The following GAP43 variants were observed in gnomAD, a reference collection of about 807,000 sequenced individuals.
GAP43 encodes the protein neuromodulin.
A neutral mutation model predicts 18.6 loss-of-function variants in GAP43; 6 were observed. The observed-to-expected ratio is 0.32, with a 90% CI of 0.18 to 0.64. The LOEUF (loss-of-function observed/expected upper bound fraction) is 0.64. GAP43 is among the 30% of genes least tolerant of loss of function. The pLI is 0.78. For missense variants in GAP43, 292 were observed against 295.5 expected (o/e 0.99, Z 0.09); for synonymous variants, 115 against 111.4 (o/e 1.03, Z -0.20).
At chr3:115,713,388 C>T (rs924249926) in intron 2 of GAP43, among the ~76,000 whole-genome samples, 13 of 152,050 alleles carry the variant, frequency 8.5e-5, no homozygotes, top group South Asian at 6.2e-4. Context: ...ATGTTTTACT[C>T]GGAAATCCAC....
chr3:115,655,767 C>T (rs1300658705), intron 1 of GAP43, among the ~76,000 whole-genome samples: 1 of 152,148 alleles, frequency 6.6e-6, no homozygotes, highest in Non-Finnish European at 1.5e-5. Context: ...TTATGCAAAA[C>T]TGGGGCATTT....
At chr3:115,675,034 A>G (rs939836731) in intron 1 of GAP43, among the ~76,000 whole-genome samples, 8 of 152,276 alleles carry the variant, frequency 5.3e-5, no homozygotes, top group Admixed American at 5.2e-4. Flanking sequence ...TTTAATAAAA[A>G]CCTGGGGTGA....
intron 2 of GAP43, among the ~76,000 whole-genome samples, chr3:115,720,593 G>A (rs924739108): frequency 2.6e-5 from 4 of 152,112 alleles, no homozygotes; most frequent in Admixed American, 6.5e-5. Flanking sequence ...TCTTCCATAG[G>A]TGCCACTGAA....
At chr3:115,714,176 A>C (rs907959389) in intron 2 of GAP43, among the ~76,000 whole-genome samples, 1 of 152,234 alleles carries the variant, frequency 6.6e-6, no homozygotes, top group African/African-American at 2.4e-5. Flanking sequence ...TCACTGGATG[A>C]ATAAATGAAT....
chr3:115,668,605 G>A (rs1708763861), intron 1 of GAP43, among the ~76,000 whole-genome samples: 2 of 152,074 alleles, frequency 1.3e-5, no homozygotes, highest in African/African-American at 4.8e-5. Flanking sequence ...TGTATTTTTA[G>A]TAGAGACAGA....
At chr3:115,694,712 A>AT (rs1165610999) in intron 2 of GAP43, among the ~76,000 whole-genome samples, 1 of 152,162 alleles carries the variant, frequency 6.6e-6, no homozygotes, top group Admixed American at 6.6e-5. Flanking sequence ...TTCCATAATT[A>AT]TTTTTTATTT....
intron 2 of GAP43, among the ~76,000 whole-genome samples, chr3:115,697,984 C>CGCGT (rs386356246): frequency 0.069 from 7,616 of 110,782 alleles, 303 homozygotes; most frequent in Middle Eastern, 0.1. Flanking sequence ...AGTACATGTG[C>CGCGT]GTGTGTGTGT....
chr3:115,657,509 T>C (rs1327481028), intron 1 of GAP43, among the ~76,000 whole-genome samples: 1 of 152,216 alleles, frequency 6.6e-6, no homozygotes, highest in African/African-American at 2.4e-5. Flanking sequence ...CCACGGACTA[T>C]GCTAGGAGCT....
At chr3:115,658,544 G>C (rs1036989325) in intron 1 of GAP43, 1 of 152,046 alleles carries the variant, frequency 6.6e-6, no homozygotes, top group Non-Finnish European at 1.5e-5. Context: ...GCGCGGGCTC[G>C]CGGCCGTGCT....
chr3:115,626,198 C>T (rs1344453257), intron 1 of GAP43, among the ~76,000 whole-genome samples: 2 of 152,182 alleles, frequency 1.3e-5, no homozygotes, highest in Admixed American at 6.5e-5. Flanking sequence ...GCCCATCCTT[C>T]TGCTGGCATC....
At chr3:115,682,738 T>C (rs1435732884) in intron 2 of GAP43, among the ~76,000 whole-genome samples, 1 of 152,174 alleles carries the variant, frequency 6.6e-6, no homozygotes, top group Non-Finnish European at 1.5e-5. Context: ...GATTTTACCA[T>C]GTTGGTCAGG....
intron 1 of GAP43, among the ~76,000 whole-genome samples, chr3:115,665,065 C>T (rs910017731): frequency 6.6e-6 from 1 of 151,952 alleles, no homozygotes; most frequent in Admixed American, 6.5e-5. Flanking sequence ...AAGGTGTGTA[C>T]AAATTACTGC....
At chr3:115,637,118 C>G (rs1167230776) in intron 1 of GAP43, among the ~76,000 whole-genome samples, 1 of 152,050 alleles carries the variant, frequency 6.6e-6, no homozygotes, top group Non-Finnish European at 1.5e-5. Flanking sequence ...CTGACTAACA[C>G]AGTTCTCCAT....
chr3:115,713,748 T>C (rs1709468466), intron 2 of GAP43, among the ~76,000 whole-genome samples: 1 of 152,246 alleles, frequency 6.6e-6, no homozygotes, highest in African/African-American at 2.4e-5. Context: ...ATCCCCTGAA[T>C]CCTTTAAGGC....
intron 2 of GAP43, among the ~76,000 whole-genome samples, chr3:115,689,037 C>G (rs1002076128): frequency 3.9e-5 from 6 of 152,194 alleles, no homozygotes; most frequent in Non-Finnish European, 1.5e-5. Flanking sequence ...ACAGCTTGCT[C>G]CTGTCCCAGG....
intron 1 of GAP43, among the ~76,000 whole-genome samples, chr3:115,657,442 T>G (rs1002396023): frequency 2.6e-5 from 4 of 152,166 alleles, no homozygotes; most frequent in Non-Finnish European, 5.9e-5. Context: ...AAGACTATCT[T>G]TCACTTGTTA....
At position 115,663,971 on chromosome 3, in the gene GAP43, C is replaced by T. The variant is rs192458019; in HGVS notation, c.31-12042C>T. On this transcript the variant is annotated intron_variant, in intron 1 of 2. Transcript: ENST00000305124. The stretch of plus-strand genomic sequence containing the variant: ...AGTATTTTAGGTTAAAACCCTGACT[C>T]TGCCACTTACTAGCTGTATGACTTT... The T allele has an allele frequency of 1.7e-3, 2,532 of 1,498,018 alleles. 2 individuals carry two copies. The highest frequency in any genetic ancestry group is 2.4e-3 in the Admixed American group (119 of 50,022). 92.8% of individuals were successfully genotyped at this position (1,498,018 alleles called of 1,614,324 possible).
At chr3:115,710,256 CT>C (rs11361613) in intron 2 of GAP43, among the ~76,000 whole-genome samples, 66,694 of 148,262 alleles carry the variant, frequency 0.45, 15,247 homozygotes, top group African/African-American at 0.56. Flanking sequence ...TTCACCTACT[CT>C]TTTTTTTTTT....
chr3:115,714,410 G>T (rs1481667730), intron 2 of GAP43, among the ~76,000 whole-genome samples: 1 of 149,722 alleles, frequency 6.7e-6, no homozygotes, highest in African/African-American at 2.6e-5. Flanking sequence ...GGCATGGGCA[G>T]GTTACAGCTT....
Sources: gnomAD v4.1 joint callset for allele counts (sites outside exome capture counted in the v4.1 genomes callset) on GRCh38, gnomAD v4.1.1 for gene constraint, MANE v1.5 for transcripts, NCBI Gene and HGNC (gene_info 2026-07-23, HGNC 2026-07-21) for gene names.